DPP6: variants seen among roughly 807,000 people sequenced by gnomAD.
DPP6 encodes dipeptidyl peptidase like 6.
A neutral mutation model predicts 122.6 loss-of-function variants in DPP6; 69 were observed. That is an observed-to-expected ratio of 0.56 (90% CI 0.46 to 0.69). The LOEUF is 0.69. DPP6 is among the 30% of genes least tolerant of loss of function. The pLI is 0.00. For synonymous variants in DPP6, 418 were observed against 433.1 expected, an observed-to-expected ratio of 0.97 and a Z score of 0.43; for missense variants, 928 against 1,116.9, an observed-to-expected ratio of 0.83 and a Z score of 2.41.
chr7:154,157,709 G>A (rs1254858761), intron 1 of DPP6, among the ~76,000 whole-genome samples: 7 of 152,080 alleles, frequency 4.6e-5, no homozygotes, highest in Admixed American at 1.3e-4. Flanking sequence ...CGAGGCAGGC[G>A]AATCACCTGA....
chr7:153,903,006 C>T (rs1490270229), intron 1 of DPP6, among the ~76,000 whole-genome samples: 2 of 152,190 alleles, frequency 1.3e-5, no homozygotes, highest in African/African-American at 4.8e-5. Flanking sequence ...CAATAGCCAG[C>T]AAAGCTACAG....
At chr7:154,815,936 C>G (rs1000077200) in intron 16 of DPP6, among the ~76,000 whole-genome samples, 2 of 152,202 alleles carry the variant, frequency 1.3e-5, no homozygotes, top group Non-Finnish European at 2.9e-5. Flanking sequence ...TACAGTGACT[C>G]AAATCTGATA....
intron 3 of DPP6, among the ~76,000 whole-genome samples, chr7:154,502,033 G>A (rs1825297047): frequency 6.6e-6 from 1 of 152,264 alleles, no homozygotes; most frequent in Admixed American, 6.5e-5. Flanking sequence ...TCATTTTGGA[G>A]CTTTAAGATT....
intron 8 of DPP6, among the ~76,000 whole-genome samples, chr7:154,769,086 T>C (rs2131546161): frequency 6.6e-6 from 1 of 152,328 alleles, no homozygotes; most frequent in African/African-American, 2.4e-5. Flanking sequence ...AGTACAATCA[T>C]AGTTCAACTC....
intron 8 of DPP6, among the ~76,000 whole-genome samples, chr7:154,753,376 C>A (rs1484762392): frequency 6.6e-6 from 1 of 152,142 alleles, no homozygotes; most frequent in Non-Finnish European, 1.5e-5. Context: ...TGTGACGAGG[C>A]CCACAGATAC....
At chr7:154,740,791 G>A (rs988107661) in intron 8 of DPP6, among the ~76,000 whole-genome samples, 1 of 151,892 alleles carries the variant, frequency 6.6e-6, no homozygotes, top group Admixed American at 6.6e-5. Context: ...CTCCCCTTTC[G>A]TCACCCCCAC....
chr7:154,313,718 C>T (rs1293600487), intron 1 of DPP6, among the ~76,000 whole-genome samples: 678 of 16,702 alleles, frequency 0.041, 28 homozygotes, highest in African/African-American at 0.1. Context: ...TATATATACA[C>T]ACACACGCAC....
chr7:153,770,715 A>G, the DPP6 span, among the ~76,000 whole-genome samples: 1 of 152,342 alleles, frequency 6.6e-6, no homozygotes. Context: ...AACTATGACT[A>G]TGTTAAAGGC....
At chr7:154,295,078 G>A (rs1805452721) in intron 1 of DPP6, among the ~76,000 whole-genome samples, 1 of 152,240 alleles carries the variant, frequency 6.6e-6, no homozygotes, top group African/African-American at 2.4e-5. Context: ...ATTCAAGGAT[G>A]TGAAGTTGTG....
At chr7:154,650,355 G>C (rs1836796133) in intron 6 of DPP6, among the ~76,000 whole-genome samples, 1 of 151,668 alleles carries the variant, frequency 6.6e-6, no homozygotes, top group Non-Finnish European at 1.5e-5. Flanking sequence ...GGAGAGGAGG[G>C]CAGAGGAGGG....
chr7:154,347,558 CTTAA>C (rs899375691), intron 1 of DPP6, among the ~76,000 whole-genome samples: 1 of 152,204 alleles, frequency 6.6e-6, no homozygotes, highest in African/African-American at 2.4e-5. Flanking sequence ...ACTAAATTTA[CTTAA>C]TTAGTGTTTT....
In DPP6 at chr7:154,057,747, T is replaced by G. The variant is rs564090421; in HGVS notation, c.243+4684T>G. On this transcript the variant is annotated intron_variant, in intron 1 of 25. Transcript: ENST00000377770. ...ACAACAGCAAGTCTTTCATTAGTTA[T>G]AAGAAAATCTTCTGGCAGCCCCAGC... is the stretch of plus-strand genomic sequence containing the variant. 4.0e-5 allele frequency: 6 copies of G among 150,560 alleles called. No individual in the cohort carries two copies. In the East Asian group the frequency reaches 1.2e-3, roughly 29 times the overall value. 9.3% of individuals were successfully genotyped at this position (150,560 alleles called of 1,614,324 possible). A position where few individuals can be genotyped will look rare whatever the true frequency, so the allele number is the denominator to read the frequency against.
At chr7:154,365,957 C>CAA (rs35516153) in intron 1 of DPP6, among the ~76,000 whole-genome samples, 9,833 of 75,366 alleles carry the variant, frequency 0.13, 529 homozygotes, top group African/African-American at 0.17. Flanking sequence ...GACTCCGTCT[C>CAA]AAAAAAAAAA....
At chr7:153,932,653 G>C (rs1336539767) in intron 1 of DPP6, among the ~76,000 whole-genome samples, 1 of 152,086 alleles carries the variant, frequency 6.6e-6, no homozygotes, top group Non-Finnish European at 1.5e-5. Context: ...TGGGGAAGAG[G>C]ATAAACTTCC....
chr7:154,819,874 G>GT (rs577556744), intron 16 of DPP6, among the ~76,000 whole-genome samples: 5 of 152,190 alleles, frequency 3.3e-5, no homozygotes, highest in Non-Finnish European at 7.3e-5. Flanking sequence ...AAAGAAGTTT[G>GT]TTTTTTTAGA....
chr7:154,061,344 C>T (rs544102216), intron 1 of DPP6, among the ~76,000 whole-genome samples: 1 of 147,850 alleles, frequency 6.8e-6, no homozygotes, highest in African/African-American at 2.5e-5. Flanking sequence ...AAAGCCTTTT[C>T]CATTGTATGC....
At chr7:154,156,968 G>A (rs1208293592) in intron 1 of DPP6, among the ~76,000 whole-genome samples, 3 of 152,284 alleles carry the variant, frequency 2.0e-5, no homozygotes, top group Admixed American at 6.5e-5. Flanking sequence ...GCATTACATT[G>A]TTTCCCTGGT....
chr7:154,319,687 CTT>C (rs1323636431), intron 1 of DPP6, among the ~76,000 whole-genome samples: 1 of 150,876 alleles, frequency 6.6e-6, no homozygotes. Flanking sequence ...AGGAGTGAGA[CTT>C]TGTCTCAAAA....
At chr7:154,338,140 A>G (rs955791185) in intron 1 of DPP6, among the ~76,000 whole-genome samples, 10 of 152,124 alleles carry the variant, frequency 6.6e-5, no homozygotes, top group Non-Finnish European at 1.5e-4. Context: ...AGTTTGGGCA[A>G]AGTTCAAAGT....
Sources: allele counts gnomAD v4.1 joint callset (sites outside exome capture counted in the v4.1 genomes callset), GRCh38; gene constraint gnomAD v4.1.1; transcripts MANE v1.5; gene names NCBI Gene and HGNC (gene_info 2026-07-23, HGNC 2026-07-21).